PGBD2: variants seen among roughly 807,000 people sequenced by gnomAD.
PGBD2 encodes piggyBac transposable element derived 2, also known as piggyBac transposable element-derived protein 2.
PGBD2 carries 6 observed loss-of-function variants against 8.1 expected under a neutral mutation model. The ratio of observed to expected loss-of-function variants is 0.74; its 90% CI spans 0.40 to 1.46. The LOEUF (loss-of-function observed/expected upper bound fraction) is 1.46, where lower values mean the gene tolerates loss of function less well. PGBD2 is among the 40% of genes most tolerant of loss of function. PGBD2 has a pLI of 0.02. For missense variants in PGBD2, 802 were observed against 739.0 expected (o/e 1.09, Z -0.99); for synonymous variants, 318 against 272.2 (o/e 1.17, Z -1.66).
chr1:248,927,750 G>A, the PGBD2 span, among the ~76,000 whole-genome samples: 4 of 152,156 alleles, frequency 2.6e-5, no homozygotes, highest in African/African-American at 9.7e-5. Context: ...ATGGTAGAGT[G>A]AACATACACT....
At chr1:248,904,851 T>C (rs1390806045), upstream of PGBD2, among the ~76,000 whole-genome samples, 1 of 152,222 alleles carries the variant, frequency 6.6e-6, no homozygotes, top group African/African-American at 2.4e-5. Flanking sequence ...TTCCTAGCAC[T>C]TTCCACTTTG....
the PGBD2 span, among the ~76,000 whole-genome samples, chr1:248,928,098 A>G: frequency 5.3e-5 from 8 of 152,066 alleles, no homozygotes; most frequent in East Asian, 1.3e-3. Flanking sequence ...CTTTTTTTAA[A>G]AAAATTCCCT....
At chr1:248,909,137 T>C (rs542714003) in intron 1 of PGBD2, among the ~76,000 whole-genome samples, 3 of 152,152 alleles carry the variant, frequency 2.0e-5, no homozygotes, top group Non-Finnish European at 4.4e-5. Flanking sequence ...GTTTGCTTGG[T>C]ATGTAGGAGC....
At chr1:248,877,297 ATCTG>A in the PGBD2 span, among the ~76,000 whole-genome samples, 3 of 152,116 alleles carry the variant, frequency 2.0e-5, no homozygotes, top group African/African-American at 4.8e-5. Context: ...ATGATGACAT[ATCTG>A]TCTATGTTTT....
At chr1:248,898,069 C>T in the PGBD2 span, among the ~76,000 whole-genome samples, 1 of 152,184 alleles carries the variant, frequency 6.6e-6, no homozygotes, top group Non-Finnish European at 1.5e-5. Context: ...GTTTAATGGA[C>T]AGAACTCTGA....
upstream of PGBD2, among the ~76,000 whole-genome samples, chr1:248,904,248 T>C (rs1483623109): frequency 1.3e-5 from 2 of 152,128 alleles, no homozygotes; most frequent in African/African-American, 4.8e-5. Context: ...ATATGTATTT[T>C]CCTCAAAGGA....
the PGBD2 span, among the ~76,000 whole-genome samples, chr1:248,927,723 A>G: frequency 1.3e-5 from 2 of 152,158 alleles, no homozygotes; most frequent in African/African-American, 4.8e-5. Flanking sequence ...GAATGCCTAC[A>G]AGAGCTCTTG....
At chr1:248,927,333 G>T in the PGBD2 span, among the ~76,000 whole-genome samples, 1 of 152,148 alleles carries the variant, frequency 6.6e-6, no homozygotes, top group Non-Finnish European at 1.5e-5. Flanking sequence ...AGGAAAATAA[G>T]GAGGAGGAGC....
At chr1:248,902,825 T>G (rs568826675), upstream of PGBD2, among the ~76,000 whole-genome samples, 1 of 148,028 alleles carries the variant, frequency 6.8e-6, no homozygotes, top group African/African-American at 2.5e-5. Context: ...GCAGTGGGGG[T>G]GGGGTGGCGG....
chr1:248,876,451 T>G, the PGBD2 span, among the ~76,000 whole-genome samples: 1 of 152,264 alleles, frequency 6.6e-6, no homozygotes, highest in African/African-American at 2.4e-5. Context: ...TCCAGTGTTG[T>G]GTTCTTAAGC....
At chr1:248,881,276 A>G in the PGBD2 span, among the ~76,000 whole-genome samples, 1 of 152,226 alleles carries the variant, frequency 6.6e-6, no homozygotes, top group Non-Finnish European at 1.5e-5. Context: ...ACATTCATTT[A>G]CTTCTCAAGC....
chr1:248,874,272 T>A, the PGBD2 span, among the ~76,000 whole-genome samples: 1 of 152,164 alleles, frequency 6.6e-6, no homozygotes, highest in Non-Finnish European at 1.5e-5. Flanking sequence ...GTGGTTAGGA[T>A]TCGGCGCTCT....
chr1:248,894,679 TTCCC>T, the PGBD2 span, among the ~76,000 whole-genome samples: 18,627 of 144,508 alleles, frequency 0.13, 3,429 homozygotes, highest in African/African-American at 0.43. Flanking sequence ...TTTCCCTTTC[TTCCC>T]TCCCTCCCTC....
chr1:248,880,557 G>T, the PGBD2 span, among the ~76,000 whole-genome samples: 1 of 152,228 alleles, frequency 6.6e-6, no homozygotes, highest in Non-Finnish European at 1.5e-5. Flanking sequence ...TGAATCTGAA[G>T]ATGGGTAATG....
the PGBD2 span, among the ~76,000 whole-genome samples, chr1:248,928,846 A>C: frequency 1.3e-5 from 2 of 152,214 alleles, no homozygotes; most frequent in Non-Finnish European, 2.9e-5. Context: ...TGAAATCCTC[A>C]TGTTTTCTTC....
chr1:248,888,393 G>A, the PGBD2 span, among the ~76,000 whole-genome samples: 13 of 152,124 alleles, frequency 8.5e-5, no homozygotes, highest in African/African-American at 3.1e-4. Flanking sequence ...TTTCTCTACA[G>A]CCTTGCCAGC....
At chr1:248,927,835 G>C in the PGBD2 span, among the ~76,000 whole-genome samples, 1 of 151,970 alleles carries the variant, frequency 6.6e-6, no homozygotes, top group East Asian at 1.9e-4. Context: ...ATAGATGATA[G>C]GCAGGTAGAT....
chr1:248,921,396 C>A (rs937448185), downstream of PGBD2, among the ~76,000 whole-genome samples: 2 of 152,180 alleles, frequency 1.3e-5, no homozygotes, highest in Non-Finnish European at 2.9e-5. Flanking sequence ...AATAGGGAAT[C>A]TTTTCACCAT....
chr1:248,897,338 C>T, the PGBD2 span, among the ~76,000 whole-genome samples: 1 of 151,378 alleles, frequency 6.6e-6, no homozygotes, highest in Admixed American at 6.6e-5. Context: ...GGAAACCAGA[C>T]ACAGCAGTAG....
Sources: allele counts gnomAD v4.1 joint callset (sites outside exome capture counted in the v4.1 genomes callset), GRCh38; gene constraint gnomAD v4.1.1; transcripts MANE v1.5; gene names NCBI Gene and HGNC (gene_info 2026-07-23, HGNC 2026-07-21).